The following SPIDR variants were observed in gnomAD, a reference collection of about 807,000 sequenced individuals.
SPIDR encodes scaffold protein involved in DNA repair, also known as DNA repair-scaffolding protein.
A neutral mutation model predicts 104.6 loss-of-function variants in SPIDR; 93 were observed. The ratio of observed to expected loss-of-function variants is 0.89; its 90% confidence interval spans 0.75 to 1.06. The LOEUF (loss-of-function observed/expected upper bound fraction) is 1.06, where lower values mean the gene tolerates loss of function less well. Among genes scored for constraint, SPIDR ranks in the 50% least tolerant of loss-of-function variants. The pLI is 0.00. For missense variants in SPIDR, 1,154 were observed against 1,111.2 expected, an observed-to-expected ratio of 1.04 and a Z score of -0.55; for synonymous variants, 431 against 416.9, an observed-to-expected ratio of 1.03 and a Z score of -0.41.
At chr8:47,564,216 C>G (rs1292804639) in intron 8 of SPIDR, among the ~76,000 whole-genome samples, 2 of 151,558 alleles carry the variant, frequency 1.3e-5, no homozygotes, top group Non-Finnish European at 2.9e-5. Context: ...GTAGCTGGGA[C>G]TACAGGTGCA....
At chr8:47,616,696 A>ATAATACAGAGCATTCCC in intron 10 of SPIDR, among the ~76,000 whole-genome samples, 1 of 152,362 alleles carries the variant, frequency 6.6e-6, no homozygotes, top group Middle Eastern at 3.4e-3. Flanking sequence ...GTTTGCGAAG[A>ATAATACAGAGCATTCCC]TAATACAGAG....
intron 8 of SPIDR, among the ~76,000 whole-genome samples, chr8:47,516,683 G>A (rs541746727): frequency 6.6e-6 from 1 of 152,160 alleles, no homozygotes; most frequent in South Asian, 2.1e-4. Flanking sequence ...TTCATCCTGT[G>A]AAATATTAGG....
intron 8 of SPIDR, among the ~76,000 whole-genome samples, chr8:47,489,492 G>GA (rs1172092595): frequency 5.7e-4 from 87 of 152,046 alleles, no homozygotes; most frequent in Admixed American, 1.4e-3. Context: ...CACAGAATTG[G>GA]AAAAAAATTC....
At chr8:47,504,423 G>A (rs182428806) in intron 8 of SPIDR, among the ~76,000 whole-genome samples, 28 of 151,894 alleles carry the variant, frequency 1.8e-4, no homozygotes, top group Admixed American at 5.2e-4. Context: ...CTAGTTGATC[G>A]AATCGGCTAC....
In SPIDR at chr8:47,416,846, G is replaced by C. The variant is rs539068516; in HGVS notation, c.877+8885G>C. Among the ~76,000 whole-genome samples, 84 of 151,814 alleles carry C rather than the reference G, an allele frequency of 5.5e-4. 1 individual carries two copies. Among genetic ancestry groups the C allele is most frequent in the African/African-American group, 1.9e-3 (78 of 41,420 alleles). On this transcript the variant is annotated intron_variant, in intron 7 of 19. Coordinates refer to ENST00000297423, the MANE Select transcript of SPIDR (RefSeq NM_001080394.4). Reference sequence around the variant, plus strand: ...TGTGTCCATGTGTTCTCATTGTTCAGTTCCCACCTATGAGTGAGAACACGC... The same window carrying C: ...TGTGTCCATGTGTTCTCATTGTTCACTTCCCACCTATGAGTGAGAACACGC...
chr8:47,402,813 A>T (rs578106640), intron 6 of SPIDR, among the ~76,000 whole-genome samples: 12 of 152,372 alleles, frequency 7.9e-5, no homozygotes, highest in South Asian at 4.1e-4. Flanking sequence ...AAACTATTCC[A>T]ATCAATAGAA....
At chr8:47,411,042 C>G (rs924174301) in intron 7 of SPIDR, among the ~76,000 whole-genome samples, 11 of 152,320 alleles carry the variant, frequency 7.2e-5, no homozygotes, top group African/African-American at 2.4e-4. Context: ...GCCACATTTT[C>G]TTAATCCAGT....
At chr8:47,475,381 T>C (rs2076165112) in intron 8 of SPIDR, among the ~76,000 whole-genome samples, 2 of 152,254 alleles carry the variant, frequency 1.3e-5, no homozygotes, top group African/African-American at 4.8e-5. Context: ...TCATACTTAC[T>C]TTATTTTTAA....
chr8:47,434,341 G>C (rs2067892972), intron 7 of SPIDR, among the ~76,000 whole-genome samples: 1 of 151,960 alleles, frequency 6.6e-6, no homozygotes, highest in Non-Finnish European at 1.5e-5. Context: ...TGCTGGGTGA[G>C]AGAGAGAGGG....
intron 7 of SPIDR, among the ~76,000 whole-genome samples, chr8:47,433,622 A>G (rs2067749716): frequency 2.6e-5 from 4 of 152,222 alleles, no homozygotes; most frequent in Admixed American, 2.6e-4. Context: ...GGAAGGCCTA[A>G]ATGATCGTAA....
intron 5 of SPIDR, among the ~76,000 whole-genome samples, chr8:47,346,829 C>T (rs2052182784): frequency 6.6e-6 from 1 of 151,992 alleles, no homozygotes; most frequent in Non-Finnish European, 1.5e-5. Flanking sequence ...TTTTTTATTG[C>T]ATCTATTTGA....
intron 8 of SPIDR, chr8:47,511,720 C>T (rs1318907548): frequency 3.3e-6 from 4 of 1,204,592 alleles, no homozygotes; most frequent in African/African-American, 3.0e-5. Context: ...ACTGGTCTCT[C>T]CAGGTCTGTT....
chr8:47,539,595 T>C (rs1281476136), intron 8 of SPIDR, among the ~76,000 whole-genome samples: 1 of 152,188 alleles, frequency 6.6e-6, no homozygotes, highest in Non-Finnish European at 1.5e-5. Flanking sequence ...CCATGTCCTT[T>C]GGCCACTTGA....
rs1191003550 is a variant in SPIDR, at chr8:47,310,336, A to G, written c.525+16306A>G. On this transcript the variant is annotated intron_variant, in intron 5 of 19. Transcript: ENST00000297423. ...GTGACAGAACGAGACTCCATCTCAA[A>G]AAAAAAAAAAAAAAAAAGTCACTAT... Among the ~76,000 whole-genome samples, 10 of 150,380 alleles carry G rather than the reference A, an allele frequency of 6.6e-5. No homozygotes were observed. In the East Asian group the frequency reaches 1.4e-3, roughly 20 times the overall value.
intron 5 of SPIDR, among the ~76,000 whole-genome samples, chr8:47,307,810 A>G (rs1370029514): frequency 6.6e-6 from 1 of 152,032 alleles, no homozygotes; most frequent in East Asian, 1.9e-4. Context: ...TAGTGCTGGG[A>G]TTACAGTCAT....
intron 11 of SPIDR, among the ~76,000 whole-genome samples, chr8:47,677,426 G>A (rs2076583421): frequency 6.6e-6 from 1 of 152,224 alleles, no homozygotes; most frequent in Non-Finnish European, 1.5e-5. Context: ...GTGGGGAAAG[G>A]AGACCTCTTT....
intron 10 of SPIDR, among the ~76,000 whole-genome samples, chr8:47,606,611 A>G (rs1271161790): frequency 6.6e-6 from 1 of 152,216 alleles, no homozygotes; most frequent in East Asian, 1.9e-4. Flanking sequence ...CGAATGAGGA[A>G]CATGCACTAG....
intron 5 of SPIDR, among the ~76,000 whole-genome samples, chr8:47,391,516 G>C (rs1248085671): frequency 6.6e-6 from 1 of 151,970 alleles, no homozygotes; most frequent in Admixed American, 6.6e-5. Context: ...ACTTCAGCCT[G>C]GGCAACGGAG....
chr8:47,704,502 C>G (rs895256836), intron 14 of SPIDR, among the ~76,000 whole-genome samples: 2 of 152,140 alleles, frequency 1.3e-5, no homozygotes, highest in Admixed American at 1.3e-4. Flanking sequence ...CCTCAGTTAC[C>G]TGGTGCCCTG....
Sources: allele counts gnomAD v4.1 joint callset (sites outside exome capture counted in the v4.1 genomes callset), GRCh38; gene constraint gnomAD v4.1.1; transcripts MANE v1.5; gene names NCBI Gene and HGNC (gene_info 2026-07-23, HGNC 2026-07-21).